The following SAMD12 variants were observed in gnomAD, a reference collection of about 807,000 sequenced individuals.
The protein encoded by SAMD12 is sterile alpha motif domain containing 12.
A neutral mutation model predicts 15.0 loss-of-function variants in SAMD12; 9 were observed. The ratio of observed to expected loss-of-function variants is 0.60; its 90% confidence interval spans 0.36 to 1.05. SAMD12 has a LOEUF of 1.05. SAMD12 is among the 50% of genes least tolerant of loss of function. SAMD12 has a pLI of 0.01. For synonymous variants in SAMD12, 86 were observed against 90.1 expected (o/e 0.96, Z 0.25); for missense variants, 230 against 234.2 (o/e 0.98, Z 0.12).
At chr8:118,389,966 G>A (rs1356787143) in intron 3 of SAMD12, among the ~76,000 whole-genome samples, 11 of 152,096 alleles carry the variant, frequency 7.2e-5, no homozygotes, top group South Asian at 2.1e-4. Flanking sequence ...AACAAATTAC[G>A]TATATATGGG....
chr8:118,487,501 A>C (rs1417731270), intron 2 of SAMD12, among the ~76,000 whole-genome samples: 2 of 152,206 alleles, frequency 1.3e-5, no homozygotes, highest in African/African-American at 4.8e-5. Context: ...GAGAGTGTCC[A>C]ATAACATAGC....
intron 4 of SAMD12, among the ~76,000 whole-genome samples, chr8:118,275,644 T>C (rs1813456499): frequency 6.6e-6 from 1 of 152,220 alleles, no homozygotes; most frequent in South Asian, 2.1e-4. Context: ...GAGATACAAA[T>C]GATCTCATTA....
chr8:118,181,054 T>TAAA, the SAMD12 span, among the ~76,000 whole-genome samples: 1 of 148,616 alleles, frequency 6.7e-6, no homozygotes, highest in African/African-American at 2.5e-5. Context: ...TGTATTAAAT[T>TAAA]TTTTTTTTTG....
At chr8:118,307,920 T>C (rs757142889) in intron 4 of SAMD12, among the ~76,000 whole-genome samples, 13 of 152,188 alleles carry the variant, frequency 8.5e-5, no homozygotes, top group Non-Finnish European at 1.5e-4. Context: ...CCCGGCCTCC[T>C]TCACTGTAGG....
At chr8:118,473,856 T>C (rs1018961130) in intron 2 of SAMD12, among the ~76,000 whole-genome samples, 6 of 152,186 alleles carry the variant, frequency 3.9e-5, no homozygotes, top group Non-Finnish European at 7.3e-5. Context: ...CATCCTCTTA[T>C]AGTACTGCAC....
chr8:118,225,178 T>C (rs1812161487), intron 4 of SAMD12, among the ~76,000 whole-genome samples: 1 of 152,202 alleles, frequency 6.6e-6, no homozygotes. Flanking sequence ...CTCCCTAGAC[T>C]TCTTCCTGTA....
At chr8:118,204,314 T>C (rs886154280) in intron 4 of SAMD12, among the ~76,000 whole-genome samples, 8 of 152,130 alleles carry the variant, frequency 5.3e-5, no homozygotes, top group Admixed American at 3.3e-4. Flanking sequence ...GGAGAAATCA[T>C]ATGTATTCTC....
chr8:118,426,720 C>T (rs1822246364), intron 3 of SAMD12, among the ~76,000 whole-genome samples: 1 of 152,056 alleles, frequency 6.6e-6, no homozygotes, highest in Admixed American at 6.6e-5. Context: ...CTTACAGTAG[C>T]CTACAAATTG....
the SAMD12 span, among the ~76,000 whole-genome samples, chr8:118,169,301 T>C: frequency 6.6e-6 from 1 of 152,250 alleles, no homozygotes; most frequent in Non-Finnish European, 1.5e-5. Flanking sequence ...TGGAAGCTAC[T>C]CTGCAAGGAA....
the SAMD12 span, among the ~76,000 whole-genome samples, chr8:118,154,854 T>C: frequency 6.6e-6 from 1 of 152,156 alleles, no homozygotes; most frequent in African/African-American, 2.4e-5. Flanking sequence ...GACAATCCTT[T>C]GTAACAGTAT....
chr8:118,245,139 G>C (rs185956433), intron 4 of SAMD12, among the ~76,000 whole-genome samples: 2 of 152,166 alleles, frequency 1.3e-5, no homozygotes, highest in African/African-American at 4.8e-5. Flanking sequence ...ACCACCGCTG[G>C]CAAGCCATTT....
the SAMD12 span, among the ~76,000 whole-genome samples, chr8:118,168,784 T>G: frequency 0.044 from 6,720 of 152,138 alleles, 478 homozygotes; most frequent in African/African-American, 0.15. Context: ...CTGACTGTAA[T>G]GTCAGAAAAC....
chr8:118,174,038 C>G, the SAMD12 span, among the ~76,000 whole-genome samples: 14 of 152,174 alleles, frequency 9.2e-5, no homozygotes, highest in South Asian at 2.7e-3. Flanking sequence ...AAAAATTGTT[C>G]TGAGTCAGTA....
chr8:118,515,481 T>C (rs1387088988), intron 2 of SAMD12, among the ~76,000 whole-genome samples: 1 of 152,022 alleles, frequency 6.6e-6, no homozygotes, highest in African/African-American at 2.4e-5. Context: ...AATTACCCAG[T>C]TTCAGGTATT....
chr8:118,523,132 G>A (rs1405107765), intron 2 of SAMD12, among the ~76,000 whole-genome samples: 3 of 152,180 alleles, frequency 2.0e-5, no homozygotes, highest in Non-Finnish European at 4.4e-5. Flanking sequence ...CAACATGTGT[G>A]CACTGTGATG....
At chr8:118,556,109 T>G (rs1010253913) in intron 2 of SAMD12, among the ~76,000 whole-genome samples, 6 of 152,188 alleles carry the variant, frequency 3.9e-5, no homozygotes, top group Admixed American at 3.3e-4. Flanking sequence ...GGTCTGGAAT[T>G]TACATTTGGA....
At chr8:118,439,703 C>T in intron 3 of SAMD12, 129 bp downstream of exon 3, 1 of 801,668 alleles carries the variant, frequency 1.2e-6, no homozygotes, top group Non-Finnish European at 2.1e-6. Context: ...ATTTATCACC[C>T]CTTTGGAAGT....
intron 2 of SAMD12, among the ~76,000 whole-genome samples, chr8:118,560,257 G>A (rs1826666101): frequency 6.6e-6 from 1 of 152,216 alleles, no homozygotes; most frequent in Non-Finnish European, 1.5e-5. Context: ...AGAATCCACA[G>A]ACATTCTGGG....
downstream of SAMD12, among the ~76,000 whole-genome samples, chr8:118,187,910 T>TTGTTGAGCAACTATGA (rs373221546): frequency 1.1e-4 from 17 of 152,230 alleles, no homozygotes; most frequent in East Asian, 2.7e-3. Context: ...CACCTAACAT[T>TTGTTGAGCAACTATGA]TGTTGAGCAA....
Sources: allele counts gnomAD v4.1 joint callset (sites outside exome capture counted in the v4.1 genomes callset), GRCh38; gene constraint gnomAD v4.1.1; transcripts MANE v1.5; gene names NCBI Gene and HGNC (gene_info 2026-07-23, HGNC 2026-07-21).